The following SMARCA2 variants were observed in gnomAD, a reference collection of about 807,000 sequenced individuals.
SMARCA2 encodes SWI/SNF-related matrix-associated actin-dependent regulator of chromatin subfamily A member 2.
A neutral mutation model predicts 199.8 loss-of-function variants in SMARCA2; 61 were observed. The ratio of observed to expected loss-of-function variants is 0.31; its 90% confidence interval spans 0.25 to 0.38. The LOEUF (loss-of-function observed/expected upper bound fraction) is 0.38. Among genes scored for constraint, SMARCA2 ranks in the 10% least tolerant of loss-of-function variants. The probability of loss-of-function intolerance (pLI) is 1.00; values close to 1 mark genes in which losing one functional copy is unlikely to be tolerated. For synonymous variants in SMARCA2, 935 were observed against 732.0 expected, an observed-to-expected ratio of 1.28 and a Z score of -4.48; for missense variants, 1,344 against 2,012.2, an observed-to-expected ratio of 0.67 and a Z score of 6.35.
At chr9:2,018,182 G>A (rs1818445122) in intron 1 of SMARCA2, 1 of 152,266 alleles carries the variant, frequency 6.6e-6, no homozygotes. Flanking sequence ...TTTTTTAAGG[G>A]AATGAGGAAG....
At chr9:2,034,214 A>G (rs2130211534) in intron 3 of SMARCA2, among the ~76,000 whole-genome samples, 1 of 144,428 alleles carries the variant, frequency 6.9e-6, no homozygotes, top group South Asian at 2.3e-4. Context: ...ATTGCTCTCT[A>G]GCCTGGCGAC....
At chr9:2,184,652 C>T (rs1827302422) in intron 31 of SMARCA2, among the ~76,000 whole-genome samples, 1 of 152,044 alleles carries the variant, frequency 6.6e-6, no homozygotes, top group South Asian at 2.1e-4. Context: ...ACACCTGGCC[C>T]AAGACAATAT....
chr9:2,129,649 C>A (rs527812845), intron 27 of SMARCA2, among the ~76,000 whole-genome samples: 1 of 152,154 alleles, frequency 6.6e-6, no homozygotes, highest in Non-Finnish European at 1.5e-5. Context: ...ACTCATTCCC[C>A]AGCCTCTCTG....
chr9:2,167,050 G>T (rs985365776), intron 28 of SMARCA2, among the ~76,000 whole-genome samples: 1 of 152,230 alleles, frequency 6.6e-6, no homozygotes, highest in Non-Finnish European at 1.5e-5. Flanking sequence ...TCAACATGAA[G>T]TGTAACAGTC....
At chr9:2,186,921 C>T (rs1459207687) in intron 32 of SMARCA2, among the ~76,000 whole-genome samples, 9 of 152,212 alleles carry the variant, frequency 5.9e-5, no homozygotes, top group African/African-American at 9.6e-5. Flanking sequence ...TTCTTTACCA[C>T]GGTGGTTCTC....
At chr9:2,095,150 A>ATC (rs1043407781) in intron 19 of SMARCA2, among the ~76,000 whole-genome samples, 1 of 150,402 alleles carries the variant, frequency 6.6e-6, no homozygotes, top group Non-Finnish European at 1.5e-5. Flanking sequence ...CAGTGGCGTG[A>ATC]TCTCAGCTCA....
At chr9:2,167,098 C>T (rs1250204978) in intron 28 of SMARCA2, among the ~76,000 whole-genome samples, 1 of 152,166 alleles carries the variant, frequency 6.6e-6, no homozygotes, top group East Asian at 1.9e-4. Flanking sequence ...GGGACATTTG[C>T]TTATCTCTAG....
At chr9:2,172,951 C>T (rs1456380739) in intron 29 of SMARCA2, among the ~76,000 whole-genome samples, 1 of 152,046 alleles carries the variant, frequency 6.6e-6, no homozygotes, top group African/African-American at 2.4e-5. Context: ...AGAATGTTGT[C>T]TGGTAGTGGA....
chr9:2,173,823 GGGACACTGTTACTA>G (rs1826390372), intron 29 of SMARCA2, among the ~76,000 whole-genome samples: 1 of 152,072 alleles, frequency 6.6e-6, no homozygotes, highest in South Asian at 2.1e-4. Context: ...CCCTTTTCAC[GGGACACTGTTACTA>G]ACCCATTAAG....
At chr9:2,190,925 T>C (rs1235264749) in intron 32 of SMARCA2, among the ~76,000 whole-genome samples, 3 of 152,222 alleles carry the variant, frequency 2.0e-5, no homozygotes, top group Admixed American at 1.3e-4. Context: ...TATTAAATGA[T>C]TGCCCAACAC....
rs550500032 is a variant in SMARCA2 at position 2,134,255 on chromosome 9, A to G, written c.3981+10318A>G. Among the ~76,000 whole-genome samples, 54 of 152,346 alleles carry G rather than the reference A, an allele frequency of 3.5e-4. No homozygotes were observed. In the South Asian group the frequency reaches 0.011, roughly 31 times the overall value. ...TCACTAATGGAATTAAAAGAGAACA[A>G]TATGTTTACTTGCTGAATATGTTAC... On this transcript the variant is annotated intron_variant, in intron 27 of 33. Transcript: ENST00000349721.
Position 2,155,407 on chromosome 9 carries a change from C to G in SMARCA2, c.3982-6279C>G, listed in dbSNP as rs375294621. Among the ~76,000 whole-genome samples the G allele has an allele frequency of 9.2e-5, 14 of 152,006 alleles. 1 individual carries two copies. The highest frequency in any genetic ancestry group is 3.1e-4 in the African/African-American group (13 of 41,392). On this transcript the variant is annotated intron_variant, in intron 27 of 33. Transcript: ENST00000349721. The stretch of plus-strand genomic sequence containing the variant: ...AAGCGATTCTCCTGCCTCAGCCTCC[C>G]GAGTAGCTGGGACTACAGGCACGTG...
Position 2,060,893 on chromosome 9 carries a change from C to A in SMARCA2, c.1599C>A (p.Thr533=), listed in dbSNP as rs145129640. The part of the protein sequence containing the change: ...DRRLAYLLQQ[T]DEYVANLTNL... The stretch of plus-strand genomic sequence containing the variant: ...GTTTAGCTTACCTTTTGCAGCAGAC[C>A]GATGAGTATGTAGCCAATCTGACCA... The change falls in exon 9 of 34, where the codon ACC becomes ACA. Residue 533 remains threonine (T), a synonymous_variant. Transcript: ENST00000349721. 1.5e-5 allele frequency: 25 copies of A among 1,613,914 alleles called. No homozygotes were observed. In the African/African-American group the frequency reaches 3.2e-4, roughly 21 times the overall value.
intron 19 of SMARCA2, among the ~76,000 whole-genome samples, chr9:2,089,313 T>C (rs935859348): frequency 1.5e-4 from 23 of 152,216 alleles, no homozygotes; most frequent in African/African-American, 5.3e-4. Flanking sequence ...TTTGGAACCA[T>C]GCATATTTGA....
intron 27 of SMARCA2, chr9:2,160,437 T>C (rs1825607240): frequency 3.8e-6 from 2 of 520,384 alleles, no homozygotes; most frequent in South Asian, 3.1e-5. Flanking sequence ...CCCACTGGCA[T>C]TTTTAACATG....
chr9:2,144,705 T>G (rs1252094043), intron 27 of SMARCA2, among the ~76,000 whole-genome samples: 3 of 152,156 alleles, frequency 2.0e-5, no homozygotes, highest in Non-Finnish European at 4.4e-5. Flanking sequence ...ATTAACAGCC[T>G]TCCTGAATTA....
chr9:2,190,650 C>G lies in SMARCA2; in HGVS notation c.4595-616C>G, dbSNP rs142039694. Among the ~76,000 whole-genome samples the G allele has an allele frequency of 5.1e-4, 78 of 151,986 alleles. 1 individual carries two copies. The East Asian group carries it at 9.1e-3, about 18-fold the overall frequency. On this transcript the variant is annotated intron_variant, in intron 32 of 33. Transcript: ENST00000349721. The stretch of plus-strand genomic sequence containing the variant: ...AGAATCACACACACACACATACACA[C>G]AGAGAGAGAGAAATGGATGTACTTG...
In SMARCA2 at chr9:2,193,097, C is replaced by G; in HGVS notation, c.*358C>G. 5.1e-6 allele frequency: 1 copy of G among 197,504 alleles called. No homozygotes were observed. Among genetic ancestry groups the G allele is most frequent in the Non-Finnish European group, 1.0e-5 (1 of 98,194 alleles). 12.2% of individuals were successfully genotyped at this position (197,504 alleles called of 1,614,324 possible). Reference sequence around the variant, plus strand: ...CCTGTTCAGATGAGAAGATTTTTGTCTTTTGTAGCACTGATAACCAGGAGA... The same window carrying G: ...CCTGTTCAGATGAGAAGATTTTTGTGTTTTGTAGCACTGATAACCAGGAGA... On this transcript the variant is annotated 3_prime_UTR_variant, in exon 34 of 34. Transcript: ENST00000349721.
intron 32 of SMARCA2, among the ~76,000 whole-genome samples, chr9:2,190,532 G>A (rs1827802753): frequency 6.6e-6 from 1 of 152,110 alleles, no homozygotes. Context: ...AGATCCCTTT[G>A]GGATAACTAC....
Sources: gnomAD v4.1 joint callset for allele counts (sites outside exome capture counted in the v4.1 genomes callset) on GRCh38, gnomAD v4.1.1 for gene constraint, MANE v1.5 for transcripts, NCBI Gene and HGNC (gene_info 2026-07-23, HGNC 2026-07-21) for gene names.